The following PDCD1LG2 variants were observed in gnomAD, a reference collection of about 807,000 sequenced individuals.
PDCD1LG2 encodes B7 dendritic cell molecule.
Under a neutral mutation model 28.2 loss-of-function variants are expected in PDCD1LG2, and 32 were observed. The observed-to-expected ratio is 1.13, with a 90% confidence interval of 0.86 to 1.52. PDCD1LG2 has a LOEUF of 1.52. Ranked by LOEUF, PDCD1LG2 falls within the 40% of genes most tolerant of loss-of-function variation. The pLI is 0.00. For synonymous variants in PDCD1LG2, 116 were observed against 120.2 expected (o/e 0.97, Z 0.23); for missense variants, 385 against 323.8 (o/e 1.19, Z -1.45).
chr9:5,552,019 C>A (rs577588892), intron 4 of PDCD1LG2, among the ~76,000 whole-genome samples: 2 of 152,196 alleles, frequency 1.3e-5, no homozygotes, highest in Non-Finnish European at 2.9e-5. Flanking sequence ...CCTAACACCC[C>A]AGATGGAATG....
chr9:5,523,527 T>C (rs998553423), intron 2 of PDCD1LG2, among the ~76,000 whole-genome samples: 2 of 152,224 alleles, frequency 1.3e-5, no homozygotes, highest in African/African-American at 4.8e-5. Context: ...CTGCCCAGCC[T>C]GGTCTGGCAC....
In PDCD1LG2 at chr9:5,570,141, C is replaced by T. The variant is rs561750790; in HGVS notation, c.*182C>T. On this transcript the variant is annotated 3_prime_UTR_variant, in exon 7 of 7. Coordinates refer to ENST00000397747, the MANE Select transcript of PDCD1LG2 (RefSeq NM_025239.4). ...GCCAACACCTGGCCATGAAACTTGC[C>T]CCTTCACTGATCTGGACTCACCTCT... 22 of 762,968 alleles carry T rather than the reference C, an allele frequency of 2.9e-5. No individual in the cohort carries two copies. In the South Asian group the frequency reaches 3.5e-4, roughly 12 times the overall value. 47.3% of individuals were successfully genotyped at this position (762,968 alleles called of 1,614,324 possible).
intron 3 of PDCD1LG2, among the ~76,000 whole-genome samples, chr9:5,547,141 G>T (rs936654522): frequency 1.3e-5 from 2 of 152,126 alleles, no homozygotes; most frequent in Non-Finnish European, 2.9e-5. Flanking sequence ...AAAACAATAA[G>T]TAAATCATAC....
intron 1 of PDCD1LG2, among the ~76,000 whole-genome samples, 194 bp from the exon 2 acceptor site, chr9:5,522,339 G>A (rs941267478): frequency 2.0e-5 from 3 of 152,322 alleles, no homozygotes; most frequent in Non-Finnish European, 2.9e-5. Context: ...TATAAAGAGT[G>A]TCTTGTTTAC....
intron 1 of PDCD1LG2, among the ~76,000 whole-genome samples, chr9:5,514,781 A>G (rs1309323206): frequency 1.4e-5 from 2 of 148,042 alleles, no homozygotes; most frequent in African/African-American, 5.0e-5. Flanking sequence ...AGAAAAAAAA[A>G]AAAAAAAAAA....
chr9:5,541,636 G>C (rs1820687850), intron 3 of PDCD1LG2, among the ~76,000 whole-genome samples: 1 of 152,056 alleles, frequency 6.6e-6, no homozygotes, highest in Non-Finnish European at 1.5e-5. Flanking sequence ...CCTCTACAAG[G>C]AAAACTACAA....
chr9:5,517,346 G>T (rs1187762069), intron 1 of PDCD1LG2, among the ~76,000 whole-genome samples: 1 of 152,224 alleles, frequency 6.6e-6, no homozygotes, highest in African/African-American at 2.4e-5. Context: ...CAGGCTTAAG[G>T]CCATTCAGGC....
intron 2 of PDCD1LG2, among the ~76,000 whole-genome samples, chr9:5,531,409 A>G (rs1291839841): frequency 6.6e-6 from 1 of 152,254 alleles, no homozygotes; most frequent in Admixed American, 6.5e-5. Context: ...TAGACCAAGT[A>G]ACAATTAATC....
intron 3 of PDCD1LG2, among the ~76,000 whole-genome samples, chr9:5,539,073 C>T (rs965072902): frequency 6.6e-6 from 1 of 151,998 alleles, no homozygotes; most frequent in African/African-American, 2.4e-5. Flanking sequence ...TAAAAGATAA[C>T]TTCTTTTATA....
chr9:5,535,220 T>C (rs1049583917), intron 3 of PDCD1LG2, among the ~76,000 whole-genome samples, 170 bp downstream of exon 3: 5 of 152,144 alleles, frequency 3.3e-5, no homozygotes, highest in African/African-American at 1.2e-4. Context: ...TTTTGACATC[T>C]GAGTACAAAG....
rs1816745549 is a variant in PDCD1LG2 at position 5,570,244 on chromosome 9, C to T, written c.*285C>T. ...GGATCCTGGACCCACAGAATTCCTT[C>T]AGGATCCTTCTTGCTGCCAGACTGA... On this transcript the variant is annotated 3_prime_UTR_variant, in exon 7 of 7. Transcript: ENST00000397747. The T allele has an allele frequency of 2.7e-6, 1 of 369,854 alleles. No individual in the cohort carries two copies. Among genetic ancestry groups the T allele is most frequent in the Admixed American group, 4.3e-5 (1 of 23,062 alleles). 22.9% of individuals were successfully genotyped at this position (369,854 alleles called of 1,614,324 possible). A position where few individuals can be genotyped will look rare whatever the true frequency, so the allele number is the denominator to read the frequency against.
intron 1 of PDCD1LG2, among the ~76,000 whole-genome samples, chr9:5,518,505 G>A (rs1820210370): frequency 6.6e-6 from 1 of 152,220 alleles, no homozygotes; most frequent in South Asian, 2.1e-4. Flanking sequence ...TGTTGGTGCA[G>A]CTTAAGATGA....
chr9:5,521,951 T>C (rs995640438), intron 1 of PDCD1LG2, among the ~76,000 whole-genome samples: 1 of 152,116 alleles, frequency 6.6e-6, no homozygotes, highest in Non-Finnish European at 1.5e-5. Context: ...CCCACCCTCA[T>C]CAGAGCCAGT....
intron 4 of PDCD1LG2, among the ~76,000 whole-genome samples, chr9:5,554,588 G>A (rs1279686538): frequency 6.6e-6 from 1 of 152,216 alleles, no homozygotes; most frequent in Non-Finnish European, 1.5e-5. Context: ...ATGGATGACT[G>A]AACATTCCAA....
intron 4 of PDCD1LG2, among the ~76,000 whole-genome samples, chr9:5,552,430 G>T (rs1365537423): frequency 6.6e-6 from 1 of 152,166 alleles, no homozygotes; most frequent in African/African-American, 2.4e-5. Flanking sequence ...AATGTGTGGG[G>T]TTGAGTGAAC....
In PDCD1LG2 at chr9:5,542,475, C is replaced by T. The variant is rs554202073; in HGVS notation, c.362-6860C>T. On this transcript the variant is annotated intron_variant, in intron 3 of 6. Transcript: ENST00000397747. ...TAATATCCAGAATCTACAAGGTATG[C>T]AAATAAATCAGCAAGAAAAAAACAA... Among the ~76,000 whole-genome samples, 16 of 152,064 alleles carry T rather than the reference C, an allele frequency of 1.1e-4. No individual in the cohort carries two copies. The South Asian group carries it at 3.3e-3, about 32-fold the overall frequency.
intron 4 of PDCD1LG2, among the ~76,000 whole-genome samples, chr9:5,550,699 C>A (rs1157501471): frequency 7.1e-6 from 1 of 140,892 alleles, no homozygotes; most frequent in Non-Finnish European, 1.5e-5. Context: ...CTCTCTCTCT[C>A]TTTTTTTTTT....
intron 4 of PDCD1LG2, among the ~76,000 whole-genome samples, chr9:5,553,543 C>T (rs1816379562): frequency 1.3e-5 from 2 of 152,202 alleles, no homozygotes; most frequent in Admixed American, 1.3e-4. Flanking sequence ...AATAACTTTA[C>T]ACCACTGATT....
At chr9:5,526,516 C>G (rs572602835) in intron 2 of PDCD1LG2, among the ~76,000 whole-genome samples, 1 of 152,324 alleles carries the variant, frequency 6.6e-6, no homozygotes, top group African/African-American at 2.4e-5. Context: ...CAGCTCACTG[C>G]AGCCTCCAAC....
Sources: gnomAD v4.1 joint callset for allele counts (sites outside exome capture counted in the v4.1 genomes callset) on GRCh38, gnomAD v4.1.1 for gene constraint, MANE v1.5 for transcripts, NCBI Gene and HGNC (gene_info 2026-07-23, HGNC 2026-07-21) for gene names.